The following HORMAD2 variants were observed in gnomAD, a reference collection of about 807,000 sequenced individuals.
HORMAD2 encodes the protein HORMA domain-containing protein 2.
Under a neutral mutation model 38.8 loss-of-function variants are expected in HORMAD2, and 45 were observed. That is an observed-to-expected ratio of 1.16 (90% CI 0.91 to 1.49). The LOEUF (loss-of-function observed/expected upper bound fraction) is 1.49, where lower values mean the gene tolerates loss of function less well. Among genes scored for constraint, HORMAD2 ranks in the 40% most tolerant of loss-of-function variants. HORMAD2 has a pLI of 0.00. For synonymous variants in HORMAD2, 126 were observed against 122.8 expected, an observed-to-expected ratio of 1.03 and a Z score of -0.17; for missense variants, 338 against 367.0, an observed-to-expected ratio of 0.92 and a Z score of 0.65.
chr22:30,182,472 A>G, the HORMAD2 span, among the ~76,000 whole-genome samples: 1 of 152,228 alleles, frequency 6.6e-6, no homozygotes, highest in Non-Finnish European at 1.5e-5. Flanking sequence ...ACTGTGATTA[A>G]CCAGTGGACT....
intron 1 of HORMAD2, among the ~76,000 whole-genome samples, chr22:30,082,635 T>A (rs961009228): frequency 1.4e-4 from 20 of 147,662 alleles, no homozygotes; most frequent in East Asian, 8.3e-4. Context: ...AAATAAAAAA[T>A]TTTTAAAAAT....
At chr22:30,150,784 A>G (rs1373842892) in intron 10 of HORMAD2, among the ~76,000 whole-genome samples, 2 of 152,206 alleles carry the variant, frequency 1.3e-5, no homozygotes, top group Non-Finnish European at 2.9e-5. Context: ...CTCTGCATTC[A>G]GGCATTCAGT....
the HORMAD2 span, among the ~76,000 whole-genome samples, chr22:30,193,958 A>G: frequency 6.6e-6 from 1 of 152,148 alleles, no homozygotes; most frequent in Non-Finnish European, 1.5e-5. Context: ...CTTATACCAG[A>G]ACACCACATG....
At chr22:30,167,754 A>T (rs1198472526) in intron 10 of HORMAD2, among the ~76,000 whole-genome samples, 1 of 152,196 alleles carries the variant, frequency 6.6e-6, no homozygotes, top group Non-Finnish European at 1.5e-5. Context: ...ATAGAAACTT[A>T]AGGGCCCCAC....
Position 30,162,374 on chromosome 22 carries a change from C to G in HORMAD2, c.820-13689C>G, listed in dbSNP as rs532552891. Among the ~76,000 whole-genome samples, 19 of 152,100 alleles carry G rather than the reference C, an allele frequency of 1.2e-4. No individual in the cohort carries two copies. The East Asian group carries it at 3.5e-3, about 28-fold the overall frequency. ...ACGATATGTTGTTTAATACAGCAGC[C>G]ACTAGCCACATGTGGCTATTGAGTA... On this transcript the variant is annotated intron_variant, in intron 10 of 10. Coordinates refer to ENST00000336726, the MANE Select transcript of HORMAD2 (RefSeq NM_152510.4).
At position 30,094,913 on chromosome 22, in the gene HORMAD2, A is replaced by G. The variant is rs183280494; in HGVS notation, c.51+910A>G. On this transcript the variant is annotated intron_variant, in intron 2 of 10. Transcript: ENST00000336726. ...TAAAAGCATTGCACTGTCTTTTCCT[A>G]TAACATCTCTCTCTTTTTCTGGGGA... Among the ~76,000 whole-genome samples, 513 of 152,280 alleles carry G rather than the reference A, an allele frequency of 3.4e-3. 10 individuals are homozygous for G. The highest frequency in any genetic ancestry group is 0.012 in the African/African-American group (493 of 41,556).
intron 10 of HORMAD2, among the ~76,000 whole-genome samples, chr22:30,157,384 G>A (rs1925144231): frequency 6.6e-6 from 1 of 151,706 alleles, no homozygotes; most frequent in Non-Finnish European, 1.5e-5. Flanking sequence ...CCTCTTTACA[G>A]ACATTATGTC....
chr22:30,203,985 A>G, the HORMAD2 span, among the ~76,000 whole-genome samples: 14 of 152,132 alleles, frequency 9.2e-5, no homozygotes. Flanking sequence ...ACACACATGC[A>G]CACACACATG....
At chr22:30,120,637 A>ATT (rs1569096821) in intron 8 of HORMAD2, among the ~76,000 whole-genome samples, 4 of 135,178 alleles carry the variant, frequency 3.0e-5, no homozygotes, top group Non-Finnish European at 6.2e-5. Flanking sequence ...TTCATTCATT[A>ATT]ATTCAACAAA....
At chr22:30,140,352 G>C (rs946602282) in intron 10 of HORMAD2, among the ~76,000 whole-genome samples, 2 of 152,206 alleles carry the variant, frequency 1.3e-5, no homozygotes. Context: ...AGTTTGTGAA[G>C]AGTTAGTATT....
chr22:30,206,385 C>G, the HORMAD2 span, among the ~76,000 whole-genome samples: 1 of 152,184 alleles, frequency 6.6e-6, no homozygotes, highest in African/African-American at 2.4e-5. Flanking sequence ...GTCTCCAACT[C>G]CTGACCTCGT....
At chr22:30,087,140 C>T (rs1327787159) in intron 1 of HORMAD2, among the ~76,000 whole-genome samples, 4 of 152,190 alleles carry the variant, frequency 2.6e-5, no homozygotes, top group Admixed American at 6.5e-5. Flanking sequence ...GGATTACAGG[C>T]GTGAGCCACT....
chr22:30,103,091 A>G (rs953949107), intron 3 of HORMAD2, among the ~76,000 whole-genome samples: 2 of 152,230 alleles, frequency 1.3e-5, no homozygotes, highest in Non-Finnish European at 2.9e-5. Flanking sequence ...ATTTAGGTGT[A>G]TATTTTAAGT....
At chr22:30,126,170 C>CT (rs933925818) in intron 10 of HORMAD2, among the ~76,000 whole-genome samples, 69 of 147,432 alleles carry the variant, frequency 4.7e-4, no homozygotes, top group East Asian at 7.9e-4. Context: ...AGAGTATGGA[C>CT]TTTTTTTTTT....
chr22:30,086,848 G>A (rs192271755), intron 1 of HORMAD2, among the ~76,000 whole-genome samples: 1 of 152,350 alleles, frequency 6.6e-6, no homozygotes, highest in East Asian at 1.9e-4. Context: ...AGGCTGGAAT[G>A]CAATGGCGTG....
intron 10 of HORMAD2, among the ~76,000 whole-genome samples, chr22:30,125,288 C>T (rs1206572401): frequency 1.6e-5 from 2 of 126,398 alleles, no homozygotes; most frequent in East Asian, 4.9e-4. Context: ...AGTGCAATGG[C>T]ACAATCTCAG....
the HORMAD2 span, among the ~76,000 whole-genome samples, chr22:30,191,306 T>A: frequency 6.6e-6 from 1 of 152,180 alleles, no homozygotes; most frequent in East Asian, 1.9e-4. Context: ...TGAGACATTT[T>A]GCAAATAGAG....
chr22:30,172,480 T>G (rs1601598916), intron 10 of HORMAD2, among the ~76,000 whole-genome samples: 1 of 152,236 alleles, frequency 6.6e-6, no homozygotes, highest in Non-Finnish European at 1.5e-5. Flanking sequence ...GAGATATGTT[T>G]TTAGTGCCCA....
chr22:30,193,010 T>G, the HORMAD2 span, among the ~76,000 whole-genome samples: 4 of 152,290 alleles, frequency 2.6e-5, 1 homozygote, highest in South Asian at 8.3e-4. Context: ...CTGGAAGAGA[T>G]AAATAAATGT....
Sources: allele counts gnomAD v4.1 joint callset (sites outside exome capture counted in the v4.1 genomes callset), GRCh38; gene constraint gnomAD v4.1.1; transcripts MANE v1.5; gene names NCBI Gene and HGNC (gene_info 2026-07-23, HGNC 2026-07-21).